NTN4: variants seen among roughly 807,000 people sequenced by gnomAD.
The protein encoded by NTN4 is netrin-4.
Under a neutral mutation model 73.6 loss-of-function variants are expected in NTN4, and 32 were observed. The observed-to-expected ratio is 0.44, with a 90% CI of 0.33 to 0.58. The LOEUF is 0.58. Among genes scored for constraint, NTN4 ranks in the 20% least tolerant of loss-of-function variants. NTN4 has a pLI of 0.04. For synonymous variants in NTN4, 258 were observed against 287.5 expected, an observed-to-expected ratio of 0.90 and a Z score of 1.04; for missense variants, 654 against 798.3, an observed-to-expected ratio of 0.82 and a Z score of 2.18.
In NTN4 at chr12:95,787,176, C is replaced by A. The variant is rs752101860; in HGVS notation, c.348G>T (p.Lys116Asn). The A allele has an allele frequency of 5.6e-6, 9 of 1,614,094 alleles. No individual in the cohort carries two copies. The African/African-American group carries it at 1.1e-4, about 19-fold the overall frequency. Residue 116 changes from lysine to asparagine, a missense_variant, in exon 2 of 10, where the codon AAG (lysine) becomes AAT (asparagine). Transcript: ENST00000343702. Reference sequence around the variant, plus strand: ...ATTCAGCTTCCAGGTCTAACTGGATCTTTTCTCTGTGCACATCCTCCGCAG... The same window carrying A: ...ATTCAGCTTCCAGGTCTAACTGGATATTTTCTCTGTGCACATCCTCCGCAG... ...WQSAEDVHRE[K>N]IQLDLEAEFY...
chr12:95,705,071 A>G (rs1448635275), intron 5 of NTN4, among the ~76,000 whole-genome samples: 1 of 152,230 alleles, frequency 6.6e-6, no homozygotes, highest in Non-Finnish European at 1.5e-5. Flanking sequence ...CAGTAGCCAG[A>G]TGTAGCTGAA....
intron 3 of NTN4, among the ~76,000 whole-genome samples, chr12:95,720,930 A>C (rs1045400873): frequency 6.6e-6 from 1 of 152,226 alleles, no homozygotes; most frequent in African/African-American, 2.4e-5. Context: ...ATTCCTTTAC[A>C]CGAAAACCCC....
At chr12:95,776,555 A>G (rs898091340) in intron 2 of NTN4, among the ~76,000 whole-genome samples, 8 of 152,346 alleles carry the variant, frequency 5.3e-5, no homozygotes, top group South Asian at 2.1e-4. Context: ...GGAAGAAAGG[A>G]TATCAGTGAT....
chr12:95,723,089 G>A (rs2078662142), intron 3 of NTN4, among the ~76,000 whole-genome samples: 1 of 151,674 alleles, frequency 6.6e-6, no homozygotes, highest in Admixed American at 6.6e-5. Context: ...ATTTTAGGTA[G>A]GAGTCTGTCT....
rs181821334 is a variant in NTN4, at chr12:95,692,048, T to G, written c.1181-8337A>C. ...ACTTACTTTGAATAGTACCTTTTTT[T>G]GGGGGGGACAGAGTTTCGCTCTTGT... On this transcript the variant is annotated intron_variant, in intron 5 of 9. Transcript: ENST00000343702. Among the ~76,000 whole-genome samples the G allele has an allele frequency of 3.0e-4, 46 of 152,226 alleles. No homozygotes were observed. In the East Asian group the frequency reaches 5.6e-3, roughly 19 times the overall value.
At chr12:95,673,039 GT>G in intron 7 of NTN4, 1 of 1,484,844 alleles carries the variant, frequency 6.7e-7, no homozygotes, top group Non-Finnish European at 9.3e-7. Flanking sequence ...CATGGAAGCT[GT>G]GGCTGCCCAG....
chr12:95,723,437 A>C (rs920424613), intron 3 of NTN4, among the ~76,000 whole-genome samples: 1 of 152,190 alleles, frequency 6.6e-6, no homozygotes, highest in Non-Finnish European at 1.5e-5. Flanking sequence ...TAGAAATGCA[A>C]ATCAGTTGTG....
chr12:95,773,223 C>G (rs2079069945), intron 2 of NTN4, among the ~76,000 whole-genome samples: 1 of 152,068 alleles, frequency 6.6e-6, no homozygotes, highest in Admixed American at 6.5e-5. Context: ...AGGCTGGTCT[C>G]AAACTCCTGA....
intron 3 of NTN4, among the ~76,000 whole-genome samples, chr12:95,723,085 G>A (rs1257293670): frequency 6.6e-6 from 1 of 151,262 alleles, no homozygotes; most frequent in Non-Finnish European, 1.5e-5. Flanking sequence ...AGTAATTTTA[G>A]GTAGGAGTCT....
intron 9 of NTN4, among the ~76,000 whole-genome samples, chr12:95,664,767 C>T (rs1445735919): frequency 1.3e-5 from 2 of 152,012 alleles, no homozygotes; most frequent in African/African-American, 4.8e-5. Context: ...CACATACCAC[C>T]ATACTGGGCT....
chr12:95,730,032 A>T (rs942779231), intron 3 of NTN4, among the ~76,000 whole-genome samples: 1 of 152,214 alleles, frequency 6.6e-6, no homozygotes, highest in African/African-American at 2.4e-5. Flanking sequence ...AAAAGGAAGT[A>T]TTCATGAGAA....
At chr12:95,691,069 G>C (rs1020102791) in intron 5 of NTN4, among the ~76,000 whole-genome samples, 4 of 152,270 alleles carry the variant, frequency 2.6e-5, no homozygotes, top group Admixed American at 2.0e-4. Context: ...GCTCCAGGCC[G>C]AAGGCCCTGA....
chr12:95,682,057 C>CTTT (rs557973212), intron 7 of NTN4, among the ~76,000 whole-genome samples: 1,043 of 64,426 alleles, frequency 0.016, 307 homozygotes, highest in African/African-American at 0.065. Flanking sequence ...ATTCAGTAGG[C>CTTT]TTTTTTTTTT....
At chr12:95,687,371 T>A (rs531966988) in intron 5 of NTN4, among the ~76,000 whole-genome samples, 1 of 151,946 alleles carries the variant, frequency 6.6e-6, no homozygotes, top group Non-Finnish European at 1.5e-5. Context: ...TAAAAATAAT[T>A]TGGTGAAAAA....
chr12:95,693,718 A>C (rs1270271988), intron 5 of NTN4, among the ~76,000 whole-genome samples: 2 of 145,614 alleles, frequency 1.4e-5, no homozygotes, highest in African/African-American at 5.2e-5. Context: ...GTGATAGAGC[A>C]AGAACCTGTC....
At chr12:95,735,940 TATTTA>T (rs1565901341) in intron 3 of NTN4, among the ~76,000 whole-genome samples, 17 of 149,610 alleles carry the variant, frequency 1.1e-4, no homozygotes, top group African/African-American at 4.2e-4. Context: ...TTTATTTATT[TATTTA>T]TTTATTTTTT....
At chr12:95,752,948 C>T (rs1201436086) in intron 2 of NTN4, among the ~76,000 whole-genome samples, 1 of 152,166 alleles carries the variant, frequency 6.6e-6, no homozygotes, top group Admixed American at 6.5e-5. Flanking sequence ...TGCTCCCCGG[C>T]TCCTTCAGCT....
chr12:95,750,182 C>T (rs1267493916), intron 2 of NTN4, among the ~76,000 whole-genome samples: 1 of 138,774 alleles, frequency 7.2e-6, no homozygotes, highest in Non-Finnish European at 1.7e-5. Context: ...ATTTCCATGC[C>T]CCAACCCCTT....
chr12:95,672,287 C>T (rs1043062956), intron 7 of NTN4: 1 of 759,790 alleles, frequency 1.3e-6, no homozygotes, highest in Non-Finnish European at 2.4e-6. Context: ...GCTGGCACTG[C>T]CTCCCAAGCC....
Sources: gnomAD v4.1 joint callset for allele counts (sites outside exome capture counted in the v4.1 genomes callset) on GRCh38, gnomAD v4.1.1 for gene constraint, MANE v1.5 for transcripts, NCBI Gene and HGNC (gene_info 2026-07-23, HGNC 2026-07-21) for gene names.